The following ANKRD33B variants were observed in gnomAD, a reference collection of about 807,000 sequenced individuals.
The protein encoded by ANKRD33B is ankyrin repeat domain-containing protein 33B.
A neutral mutation model predicts 21.5 loss-of-function variants in ANKRD33B; 6 were observed. The ratio of observed to expected loss-of-function variants is 0.28; its 90% CI spans 0.15 to 0.55. The LOEUF is 0.55. ANKRD33B is among the 20% of genes least tolerant of loss of function. The pLI is 0.94. For missense variants in ANKRD33B, 698 were observed against 747.2 expected (o/e 0.93, Z 0.77); for synonymous variants, 347 against 342.4 (o/e 1.01, Z -0.15).
intron 1 of ANKRD33B, among the ~76,000 whole-genome samples, chr5:10,585,791 C>A (rs1735542703): frequency 6.6e-6 from 1 of 152,192 alleles, no homozygotes; most frequent in South Asian, 2.1e-4. Context: ...GGCCTCATGG[C>A]CATGGGGTCA....
intron 2 of ANKRD33B, chr5:10,624,781 G>A (rs1302418876): frequency 1.5e-5 from 7 of 456,628 alleles, no homozygotes; most frequent in Admixed American, 2.3e-5. Flanking sequence ...CCAATCTTGC[G>A]CCTCCGGCGT....
chr5:10,652,460 C>T lies in ANKRD33B; in HGVS notation c.*2347C>T, dbSNP rs1176595386. On this transcript the variant is annotated 3_prime_UTR_variant, in exon 4 of 4. Transcript: ENST00000296657. This position sits in a 1 kb window ranked among gnomAD's most constrained non-coding sequence, Gnocchi z 4.1. ...CAGCCAGGGTCAGGCAGCTTCTGCT[C>T]GGACTGACGTGGCGTCTGACCCTTG... is the stretch of plus-strand genomic sequence containing the variant. 1.3e-5 allele frequency: 2 copies of T among 152,514 alleles called. No homozygotes were observed. The highest frequency in any genetic ancestry group is 1.5e-5 in the Non-Finnish European group (1 of 68,148). 9.4% of individuals were successfully genotyped at this position (152,514 alleles called of 1,614,324 possible).
In ANKRD33B at chr5:10,564,462, G is replaced by T; in HGVS notation, c.-6G>T. 1 of 1,166,512 alleles carries T rather than the reference G, an allele frequency of 8.6e-7. No individual in the cohort carries two copies. The highest frequency in any genetic ancestry group is 1.6e-5 in the African/African-American group (1 of 61,836). 72.3% of individuals were successfully genotyped at this position (1,166,512 alleles called of 1,614,324 possible). On this transcript the variant is annotated 5_prime_UTR_variant, in exon 1 of 4. Transcript: ENST00000296657. ...CCGGCCCCCGGCCCGCGCCCCGGCCGCCGGCATGGTGCTGCTGGCCGGGAC... is the reference window on the plus strand; with the variant it reads ...CCGGCCCCCGGCCCGCGCCCCGGCCTCCGGCATGGTGCTGCTGGCCGGGAC...
chr5:10,649,166 T>TG, intron 3 of ANKRD33B, 100 bp from the exon 4 acceptor site: 1 of 1,414,094 alleles, frequency 7.1e-7, no homozygotes, highest in Non-Finnish European at 9.3e-7. Context: ...GGGCCAGGGG[T>TG]GGGGGGTGGG....
Position 10,576,207 on chromosome 5 carries a change from C to T in ANKRD33B, c.366+11374C>T, listed in dbSNP as rs1357732205. On this transcript the variant is annotated intron_variant, in intron 1 of 3. Transcript: ENST00000296657. The surrounding 1 kb of genome is among the most constrained non-coding windows in gnomAD (Gnocchi z 4.1). ...GCACGCATGACCTTTTTCCTGTAGC[C>T]TTGTTTCCATGAATCGATTGAATTT... is the stretch of plus-strand genomic sequence containing the variant. Among the ~76,000 whole-genome samples the T allele has an allele frequency of 6.6e-6, 1 of 152,140 alleles. No individual in the cohort carries two copies. Among genetic ancestry groups the T allele is most frequent in the Non-Finnish European group, 1.5e-5 (1 of 68,030 alleles).
intron 2 of ANKRD33B, among the ~76,000 whole-genome samples, chr5:10,620,748 C>T (rs1055279103): frequency 2.0e-5 from 3 of 152,168 alleles, no homozygotes; most frequent in Non-Finnish European, 2.9e-5. Context: ...TTGGTGTGTC[C>T]TATCAGGACA....
Position 10,649,599 on chromosome 5 carries a change from G to C in ANKRD33B, c.971G>C (p.Cys324Ser), listed in dbSNP as rs1380722237. The C allele has an allele frequency of 4.6e-6, 7 of 1,530,292 alleles. No individual in the cohort carries two copies. In the African/African-American group the frequency reaches 9.6e-5, roughly 21 times the overall value. The allele number at this position is 1,530,292 out of a possible 1,614,324, so 94.8% of individuals were successfully genotyped here. ...SLYSPAVAIV[C>S]QTVCPESPPS... is the part of the protein sequence containing the mutation. Reference sequence around the variant, plus strand: ...TACAGCCCCGCCGTGGCCATCGTGTGCCAGACCGTGTGCCCTGAGAGCCCT... The same window carrying C: ...TACAGCCCCGCCGTGGCCATCGTGTCCCAGACCGTGTGCCCTGAGAGCCCT... The change falls in exon 4 of 4, where the codon TGC becomes TCC. Residue 324 changes from cysteine to serine, a missense_variant. Coordinates refer to ENST00000296657, the MANE Select transcript of ANKRD33B (RefSeq NM_001164440.2).
intron 1 of ANKRD33B, among the ~76,000 whole-genome samples, chr5:10,597,307 CAA>C (rs1196752047): frequency 6.6e-5 from 10 of 152,222 alleles, no homozygotes; most frequent in African/African-American, 2.4e-4. Flanking sequence ...ATCTCACATG[CAA>C]AGACACATGT....
Position 10,618,505 on chromosome 5 carries a change from A to G in ANKRD33B, c.496+43A>G, listed in dbSNP as rs747090187. ...CCTTTCCTCTCAGAGCCGTGGCCAG[A>G]GCACCGCCGCCGGGCAGCCCGGGCT... On this transcript the variant is annotated intron_variant, in intron 2 of 3. Transcript: ENST00000296657. The G allele has an allele frequency of 4.7e-6, 7 of 1,482,212 alleles. No homozygotes were observed. The South Asian group carries it at 9.3e-5, about 20-fold the overall frequency. 91.8% of individuals were successfully genotyped at this position (1,482,212 alleles called of 1,614,324 possible).
chr5:10,634,457 A>ATTTTTTTT lies in ANKRD33B; in HGVS notation c.497-3564_497-3563insTTTTTTTT, dbSNP rs34515233. Among the ~76,000 whole-genome samples the ATTTTTTTT allele has an allele frequency of 3.5e-5, 5 of 141,890 alleles. 1 individual carries two copies. The highest frequency in any genetic ancestry group is 2.6e-5 in the African/African-American group (1 of 38,248). The allele number at this position is 141,890 out of a possible 152,430, so 93.1% of individuals were successfully genotyped here. ...CCAAGTTGGACTGGGCTCAAACTAGATTTTTTTCTTTTTTTTTTTTGAGAC... is the reference window on the plus strand; with the variant it reads ...CCAAGTTGGACTGGGCTCAAACTAGATTTTTTTTTTTTTTTCTTTTTTTTTTTTGAGAC... On this transcript the variant is annotated intron_variant, in intron 2 of 3. Transcript: ENST00000296657.
In ANKRD33B at chr5:10,597,120, G is replaced by A. The variant is rs138654004; in HGVS notation, c.367-21213G>A. Among the ~76,000 whole-genome samples the A allele has an allele frequency of 1.4e-4, 21 of 152,234 alleles. No individual in the cohort carries two copies. In the East Asian group the frequency reaches 3.9e-3, roughly 28 times the overall value. On this transcript the variant is annotated intron_variant, in intron 1 of 3. Coordinates refer to ENST00000296657, the MANE Select transcript of ANKRD33B (RefSeq NM_001164440.2). ...AGTACACAGACAAGTGACACTATGA[G>A]GCAACAACATAAACAACTCTGCAAA...
chr5:10,635,083 G>A (rs937032746), intron 2 of ANKRD33B, among the ~76,000 whole-genome samples: 18 of 151,838 alleles, frequency 1.2e-4, no homozygotes, highest in African/African-American at 4.1e-4. Flanking sequence ...AACATAATAC[G>A]CAGAACAGAT....
Position 10,606,318 on chromosome 5 carries a change from A to G in ANKRD33B, c.367-12015A>G, listed in dbSNP as rs539332977. ...GATTACAGGGCTACAAGGTGACCCCATGTTGGAAGGAATTATCTTGATGTA... is the reference window on the plus strand; with the variant it reads ...GATTACAGGGCTACAAGGTGACCCCGTGTTGGAAGGAATTATCTTGATGTA... On this transcript the variant is annotated intron_variant, in intron 1 of 3. Transcript: ENST00000296657. Among the ~76,000 whole-genome samples the G allele has an allele frequency of 4.6e-5, 7 of 152,354 alleles. No homozygotes were observed. In the East Asian group the frequency reaches 1.2e-3, roughly 25 times the overall value.
In ANKRD33B at chr5:10,603,268, A is replaced by AT. The variant is rs913110895; in HGVS notation, c.367-15053dup. On this transcript the variant is annotated intron_variant, in intron 1 of 3. Coordinates refer to ENST00000296657, the MANE Select transcript of ANKRD33B (RefSeq NM_001164440.2). ...CAGAATTTTTTCATCCTTAAAAAAA[A>AT]TTTTTTTTTTTTGAGACAGGGTCTC... 2.2e-3 allele frequency among the ~76,000 whole-genome samples: 329 copies of AT among 147,444 alleles called. 4 individuals carry two copies. Among genetic ancestry groups the AT allele is most frequent in the African/African-American group, 7.6e-3 (308 of 40,328 alleles).
At chr5:10,641,913 C>T (rs1017094103) in intron 3 of ANKRD33B, among the ~76,000 whole-genome samples, 1 of 152,190 alleles carries the variant, frequency 6.6e-6, no homozygotes, top group Non-Finnish European at 1.5e-5. Context: ...TTCGGCCCTG[C>T]CTGCCCTCAT....
At chr5:10,571,697 G>A (rs531739984) in intron 1 of ANKRD33B, among the ~76,000 whole-genome samples, 1 of 152,180 alleles carries the variant, frequency 6.6e-6, no homozygotes, top group African/African-American at 2.4e-5. Flanking sequence ...AAACAACAAT[G>A]ACAAAGTTGA....
intron 3 of ANKRD33B, among the ~76,000 whole-genome samples, chr5:10,640,542 A>G (rs11133616): frequency 0.42 from 63,794 of 152,126 alleles, 13,673 homozygotes; most frequent in Middle Eastern, 0.56. Context: ...TGAGAATTAA[A>G]TGAGAAAATA....
At chr5:10,606,633 C>G (rs1736050458) in intron 1 of ANKRD33B, among the ~76,000 whole-genome samples, 1 of 151,620 alleles carries the variant, frequency 6.6e-6, no homozygotes, top group Non-Finnish European at 1.5e-5. Flanking sequence ...ACTCGGGAGG[C>G]TGAGGCAGGA....
intron 3 of ANKRD33B, among the ~76,000 whole-genome samples, chr5:10,641,047 G>A (rs1737042210): frequency 6.6e-6 from 1 of 152,102 alleles, no homozygotes; most frequent in Admixed American, 6.5e-5. Context: ...GAATTTTGGA[G>A]GGTCGTCAAC....
Sources: allele counts gnomAD v4.1 joint callset (sites outside exome capture counted in the v4.1 genomes callset), GRCh38; gene constraint gnomAD v4.1.1; non-coding constraint Gnocchi (gnomAD v3.1); transcripts MANE v1.5; gene names NCBI Gene and HGNC (gene_info 2026-07-23, HGNC 2026-07-21).